The following NPHP1 variants were observed in gnomAD, a reference collection of about 807,000 sequenced individuals.
NPHP1 encodes nephrocystin 1.
NPHP1 carries 70 observed loss-of-function variants against 90.4 expected under a neutral mutation model. The ratio of observed to expected loss-of-function variants is 0.77; its 90% CI spans 0.64 to 0.95. The LOEUF (loss-of-function observed/expected upper bound fraction) is 0.95. Among genes scored for constraint, NPHP1 ranks in the 40% least tolerant of loss-of-function variants. The pLI is 0.00. For synonymous variants in NPHP1, 256 were observed against 271.7 expected (o/e 0.94, Z 0.57); for missense variants, 764 against 795.9 (o/e 0.96, Z 0.48).
chr2:110,196,058 A>G (rs1685141817), intron 2 of NPHP1, among the ~76,000 whole-genome samples: 1 of 152,138 alleles, frequency 6.6e-6, no homozygotes, highest in Non-Finnish European at 1.5e-5. Flanking sequence ...ACCCTAGAAG[A>G]AAACCTAGGC....
At position 110,123,913 on chromosome 2, in the gene NPHP1, G is replaced by C; in HGVS notation, c.1912C>G (p.Gln638Glu). 1 of 1,614,098 alleles carries C rather than the reference G, an allele frequency of 6.2e-7. No homozygotes were observed. The highest frequency in any genetic ancestry group is 8.5e-7 in the Non-Finnish European group (1 of 1,180,016). The change falls in exon 20 of 20, where the codon CAA (glutamine) becomes GAA (glutamate). Residue 638 changes from glutamine to glutamate, a missense_variant. Physicochemically the swap from Gln to Glu is conservative, Grantham distance 29. Coordinates refer to ENST00000445609, the MANE Select transcript of NPHP1 (RefSeq NM_001128178.3). ...RWKVITDFLK[Q>E]NQENQGALQA... ...AGGGCGCCCTGGTTTTCTTGGTTTT[G>C]CTTAAGGAAGTCAGTGATAACTTTC...
intron 17 of NPHP1, among the ~76,000 whole-genome samples, chr2:110,131,467 A>G (rs768162546): frequency 1.3e-5 from 2 of 152,200 alleles, no homozygotes; most frequent in Non-Finnish European, 2.9e-5. Context: ...GAAAATACAT[A>G]TGTTTGAAAG....
chr2:110,184,919 G>GGA, intron 2 of NPHP1: 1 of 677,388 alleles, frequency 1.5e-6, no homozygotes, highest in Admixed American at 1.8e-5. Context: ...CCTGGTGTTC[G>GGA]CCATCCAGAA....
chr2:110,203,147 T>C (rs1299438482), intron 1 of NPHP1, among the ~76,000 whole-genome samples: 1 of 152,094 alleles, frequency 6.6e-6, no homozygotes, highest in East Asian at 1.9e-4. Flanking sequence ...TGGAGGCCAT[T>C]GTCCTAAGTG....
intron 12 of NPHP1, 78 bp from the exon 13 acceptor site, chr2:110,148,104 C>T (rs1304278095): frequency 2.1e-6 from 2 of 932,704 alleles, no homozygotes; most frequent in East Asian, 2.4e-5. Flanking sequence ...GAATAAATGT[C>T]CCCACCAAAT....
intron 2 of NPHP1, chr2:110,184,600 G>A (rs1244043250): frequency 3.0e-5 from 35 of 1,161,726 alleles, no homozygotes; most frequent in Non-Finnish European, 4.0e-5. Flanking sequence ...TCCATCATGC[G>A]AATTGACATC....
At chr2:110,202,818 T>C (rs1685660082) in intron 1 of NPHP1, among the ~76,000 whole-genome samples, 1 of 152,122 alleles carries the variant, frequency 6.6e-6, no homozygotes, top group Non-Finnish European at 1.5e-5. Flanking sequence ...ATATACACTG[T>C]TGGTGGGCAT....
At chr2:110,142,350 T>A (rs1474263821) in intron 16 of NPHP1, among the ~76,000 whole-genome samples, 1 of 151,832 alleles carries the variant, frequency 6.6e-6, no homozygotes, top group Non-Finnish European at 1.5e-5. Context: ...ACTTAGACTT[T>A]TTTTTTTTTT....
At chr2:110,144,468 G>A in intron 15 of NPHP1, 25 bp downstream of exon 15, 1 of 1,474,960 alleles carries the variant, frequency 6.8e-7, no homozygotes, top group Non-Finnish European at 9.5e-7. Flanking sequence ...TTTAAGGAAA[G>A]GAAGACAACA....
chr2:110,193,872 C>T (rs992794823), intron 2 of NPHP1, among the ~76,000 whole-genome samples: 1 of 151,928 alleles, frequency 6.6e-6, no homozygotes, highest in East Asian at 1.9e-4. Flanking sequence ...ACCACTAAAC[C>T]ACATGGAAAC....
In NPHP1 at chr2:110,160,171, C is replaced by A; in HGVS notation, c.1039G>T (p.Val347Phe). ...MIPLPGMSIQ[V>F]LSRHVRLCLF... The stretch of plus-strand genomic sequence containing the variant: ...CAGAGGCGTACATGTCTGCTGAGAA[C>A]CTGTATGCTCATTCCTGGAAGAGGA... The change falls in exon 11 of 20, where the codon GTT becomes TTT. Residue 347 changes from valine to phenylalanine, a missense_variant. Physicochemically the swap from Val to Phe is conservative, Grantham distance 50. Transcript: ENST00000445609. The A allele has an allele frequency of 6.2e-7, 1 of 1,612,938 alleles. No homozygotes were observed. The highest frequency in any genetic ancestry group is 8.5e-7 in the Non-Finnish European group (1 of 1,179,108).
Position 110,169,991 on chromosome 2 carries a change from C to A in NPHP1, c.337G>T (p.Ala113Ser), listed in dbSNP as rs1683007830. The A allele has an allele frequency of 3.7e-6, 6 of 1,612,602 alleles. No homozygotes were observed. The highest frequency in any genetic ancestry group is 1.1e-5 in the South Asian group (1 of 91,054). Reference protein sequence around the residue: ...ISRENITEVGAPTEEEEESES... With the variant: ...ISRENITEVGSPTEEEEESES... ...CTTTCTTCCTCTTCTTCAGTAGGTGCCCCAACTCTACAAAAAGTGTTTCTG... is the reference window on the plus strand; with the variant it reads ...CTTTCTTCCTCTTCTTCAGTAGGTGACCCAACTCTACAAAAAGTGTTTCTG... The change falls in exon 5 of 20, where the codon GCA becomes TCA. Residue 113 changes from alanine to serine, a missense_variant. Transcript: ENST00000445609.
intron 16 of NPHP1, among the ~76,000 whole-genome samples, chr2:110,141,710 A>AG (rs1393202161): frequency 6.6e-6 from 1 of 152,018 alleles, no homozygotes; most frequent in African/African-American, 2.4e-5. Flanking sequence ...CGGTGGCTCA[A>AG]GCCTGTAATC....
intron 2 of NPHP1, among the ~76,000 whole-genome samples, chr2:110,197,862 A>C (rs997331348): frequency 1.3e-5 from 2 of 152,164 alleles, no homozygotes; most frequent in Non-Finnish European, 2.9e-5. Context: ...TAAAGCCCAG[A>C]GTGGAAAACT....
chr2:110,170,029 T>C (rs765766635), intron 4 of NPHP1, 31 bp from the exon 5 acceptor site: 1 of 1,612,120 alleles, frequency 6.2e-7, no homozygotes, highest in Admixed American at 1.7e-5. Flanking sequence ...TAGGACTACT[T>C]GAAATAATAT....
Position 110,163,119 on chromosome 2 carries a change from T to G in NPHP1, c.788A>C (p.Asp263Ala). Reference protein sequence around the residue: ...KAISEQINTVDVLTTMGAIPA... With the variant: ...KAISEQINTVAVLTTMGAIPA... ...AATAGCTCCCATCGTAGTTAACACA[T>G]CAACAGTGTTTATCTGCTGAAGACA... The change falls in exon 9 of 20, where the codon GAT becomes GCT. Residue 263 changes from aspartate to alanine, a missense_variant. Transcript: ENST00000445609. 6.2e-7 allele frequency: 1 copy of G among 1,611,468 alleles called. No homozygotes were observed. The highest frequency in any genetic ancestry group is 1.1e-5 in the South Asian group (1 of 90,996).
chr2:110,173,907 T>C (rs1683335814), intron 4 of NPHP1, among the ~76,000 whole-genome samples: 2 of 152,134 alleles, frequency 1.3e-5, no homozygotes, highest in Non-Finnish European at 2.9e-5. Flanking sequence ...TATTATTAAA[T>C]GTATACTCAT....
At chr2:110,148,517 T>TCTA (rs1681233429) in intron 12 of NPHP1, among the ~76,000 whole-genome samples, 2 of 152,182 alleles carry the variant, frequency 1.3e-5, no homozygotes, top group African/African-American at 4.8e-5. Flanking sequence ...GTAAATAGTT[T>TCTA]ATGCCTTTGC....
chr2:110,175,115 A>G (rs1001492705), intron 4 of NPHP1, among the ~76,000 whole-genome samples: 12 of 152,096 alleles, frequency 7.9e-5, no homozygotes, highest in Non-Finnish European at 1.6e-4. Flanking sequence ...GCATTTCCCC[A>G]GGAGCAATGG....
Sources: gnomAD v4.1 joint callset for allele counts (sites outside exome capture counted in the v4.1 genomes callset) on GRCh38, gnomAD v4.1.1 for gene constraint, MANE v1.5 for transcripts, NCBI Gene and HGNC (gene_info 2026-07-23, HGNC 2026-07-21) for gene names.